CAST: variants seen among roughly 807,000 people sequenced by gnomAD.
CAST encodes the protein calpastatin.
A neutral mutation model predicts 119.6 loss-of-function variants in CAST; 76 were observed. The ratio of observed to expected loss-of-function variants is 0.64; its 90% confidence interval spans 0.53 to 0.77. The LOEUF is 0.77. CAST is among the 30% of genes least tolerant of loss of function. The pLI, the probability that CAST is intolerant of heterozygous loss-of-function variation, is 0.00. For synonymous variants in CAST, 319 were observed against 331.6 expected, an observed-to-expected ratio of 0.96 and a Z score of 0.41; for missense variants, 953 against 946.5, an observed-to-expected ratio of 1.01 and a Z score of -0.09.
the CAST span, among the ~76,000 whole-genome samples, chr5:96,420,588 A>G: frequency 2.0e-5 from 3 of 152,112 alleles, no homozygotes; most frequent in Non-Finnish European, 4.4e-5. Context: ...GAAGAAATAA[A>G]CACCCAGAAG....
At chr5:96,705,381 A>C (rs535930908) in intron 3 of CAST, among the ~76,000 whole-genome samples, 5 of 152,146 alleles carry the variant, frequency 3.3e-5, no homozygotes, top group Non-Finnish European at 7.4e-5. Flanking sequence ...TTTTGATGGA[A>C]AGCCATAAAA....
chr5:96,056,234 T>C, the CAST span, among the ~76,000 whole-genome samples: 2 of 152,214 alleles, frequency 1.3e-5, no homozygotes, highest in Non-Finnish European at 2.9e-5. Context: ...TTTTGCTTTC[T>C]TGCAGTTGTC....
At chr5:96,026,258 A>T in the CAST span, among the ~76,000 whole-genome samples, 2 of 152,078 alleles carry the variant, frequency 1.3e-5, no homozygotes, top group Non-Finnish European at 2.9e-5. Context: ...GAAAGTGTAG[A>T]TTAATCAATA....
chr5:95,997,935 A>G, the CAST span, among the ~76,000 whole-genome samples: 1 of 151,430 alleles, frequency 6.6e-6, no homozygotes, highest in Admixed American at 6.6e-5. Context: ...CAAATATGCT[A>G]AAATGTACTA....
At chr5:96,620,712 C>A (rs531707873) in intron 1 of CAST, among the ~76,000 whole-genome samples, 60 of 152,334 alleles carry the variant, frequency 3.9e-4, no homozygotes, top group African/African-American at 1.3e-3. Flanking sequence ...ATTTTACTAT[C>A]TTCGACAGTG....
At chr5:96,367,455 G>A in the CAST span, among the ~76,000 whole-genome samples, 1 of 151,170 alleles carries the variant, frequency 6.6e-6, no homozygotes, top group Non-Finnish European at 1.5e-5. Context: ...TCCTCCTTGA[G>A]CTGCAGCGGG....
the CAST span, among the ~76,000 whole-genome samples, chr5:96,228,769 C>T: frequency 6.6e-6 from 1 of 152,006 alleles, no homozygotes; most frequent in African/African-American, 2.4e-5. Flanking sequence ...ATTTCAAAAC[C>T]TCAAATTCTT....
chr5:96,491,466 G>C, the CAST span, among the ~76,000 whole-genome samples: 19 of 111,226 alleles, frequency 1.7e-4, no homozygotes, highest in South Asian at 1.1e-3. Flanking sequence ...ACTCCAGCCT[G>C]GGGGACAGAG....
chr5:96,276,302 C>T, the CAST span, among the ~76,000 whole-genome samples: 1 of 152,152 alleles, frequency 6.6e-6, no homozygotes, highest in Non-Finnish European at 1.5e-5. Context: ...GATATTGGGC[C>T]TCTGAACTAG....
the CAST span, among the ~76,000 whole-genome samples, chr5:96,207,512 G>C: frequency 9.7e-4 from 147 of 151,988 alleles, no homozygotes; most frequent in Non-Finnish European, 1.6e-3. Context: ...TAACATGAAG[G>C]GATGCTGAAT....
At chr5:96,440,105 A>C in the CAST span, among the ~76,000 whole-genome samples, 3 of 152,116 alleles carry the variant, frequency 2.0e-5, no homozygotes, top group African/African-American at 7.2e-5. Flanking sequence ...GTTAGTCTGG[A>C]AACAGTGACC....
chr5:96,160,650 G>A, the CAST span, among the ~76,000 whole-genome samples: 1 of 152,110 alleles, frequency 6.6e-6, no homozygotes, highest in Non-Finnish European at 1.5e-5. Flanking sequence ...TGTACCATAT[G>A]GTAACCCTAT....
the CAST span, among the ~76,000 whole-genome samples, chr5:96,416,451 G>A: frequency 0.02 from 3,071 of 152,312 alleles, 118 homozygotes; most frequent in African/African-American, 0.071. Flanking sequence ...AGAACACAGT[G>A]AGTGTTAACT....
chr5:96,701,983 T>C (rs1167692445), intron 3 of CAST, among the ~76,000 whole-genome samples: 2 of 152,156 alleles, frequency 1.3e-5, no homozygotes, highest in Non-Finnish European at 2.9e-5. Context: ...CTTGGCTGCC[T>C]GGTGGGGTAC....
chr5:96,505,832 T>C, the CAST span, among the ~76,000 whole-genome samples: 1 of 152,176 alleles, frequency 6.6e-6, no homozygotes. Context: ...CAGGGCACCT[T>C]ATGGGTTTCC....
chr5:96,017,029 A>AG, the CAST span, among the ~76,000 whole-genome samples: 3 of 151,684 alleles, frequency 2.0e-5, no homozygotes, highest in Non-Finnish European at 4.4e-5. Flanking sequence ...GTAGAGACAG[A>AG]GTTTCACCGT....
At chr5:96,402,462 T>A in the CAST span, among the ~76,000 whole-genome samples, 1 of 152,076 alleles carries the variant, frequency 6.6e-6, no homozygotes. Flanking sequence ...AGGGGAAACA[T>A]CTAGACACTT....
chr5:96,520,057 C>T, the CAST span, among the ~76,000 whole-genome samples: 1 of 152,212 alleles, frequency 6.6e-6, no homozygotes, highest in South Asian at 2.1e-4. Flanking sequence ...ATATCCTCAA[C>T]AAAGCACCCT....
chr5:96,766,950 G>C (rs1194034147), intron 27 of CAST, among the ~76,000 whole-genome samples: 1 of 152,182 alleles, frequency 6.6e-6, no homozygotes, highest in Non-Finnish European at 1.5e-5. Context: ...TATTCCTCAA[G>C]ATAGCAATTC....
Sources: allele counts gnomAD v4.1 joint callset (sites outside exome capture counted in the v4.1 genomes callset), GRCh38; gene constraint gnomAD v4.1.1; transcripts MANE v1.5; gene names NCBI Gene and HGNC (gene_info 2026-07-23, HGNC 2026-07-21).